ARHGAP28: variants seen among roughly 807,000 people sequenced by gnomAD.
ARHGAP28 encodes Rho GTPase activating protein 28.
ARHGAP28 carries 56 observed loss-of-function variants against 90.7 expected under a neutral mutation model. The ratio of observed to expected loss-of-function variants is 0.62; its 90% CI spans 0.50 to 0.77. The LOEUF is 0.77. Among genes scored for constraint, ARHGAP28 ranks in the 30% least tolerant of loss-of-function variants. The pLI is 0.00. For missense variants in ARHGAP28, 869 were observed against 900.9 expected (o/e 0.96, Z 0.45); for synonymous variants, 308 against 323.3 (o/e 0.95, Z 0.51).
intron 4 of ARHGAP28, among the ~76,000 whole-genome samples, chr18:6,857,429 C>T (rs924897801): frequency 3.3e-5 from 5 of 152,134 alleles, no homozygotes; most frequent in Admixed American, 6.5e-5. Context: ...GTAAACATCG[C>T]GTGTGGAGAA....
At chr18:6,742,348 T>G (rs1669830612) in intron 1 of ARHGAP28, among the ~76,000 whole-genome samples, 1 of 151,954 alleles carries the variant, frequency 6.6e-6, no homozygotes, top group African/African-American at 2.4e-5. Flanking sequence ...TTTTGTATTT[T>G]TAGTAGAGAT....
intron 10 of ARHGAP28, among the ~76,000 whole-genome samples, chr18:6,881,842 G>C (rs1283151362): frequency 6.6e-6 from 1 of 152,156 alleles, no homozygotes; most frequent in Middle Eastern, 3.2e-3. Flanking sequence ...GTGGTATTCT[G>C]CCAAAACCAC....
intron 1 of ARHGAP28, among the ~76,000 whole-genome samples, chr18:6,775,089 C>A (rs545816839): frequency 6.6e-6 from 1 of 152,302 alleles, no homozygotes; most frequent in African/African-American, 2.4e-5. Flanking sequence ...AACCTCTTTT[C>A]ATGTTTAATT....
chr18:6,740,671 T>C (rs986895698), intron 1 of ARHGAP28, among the ~76,000 whole-genome samples: 1 of 152,200 alleles, frequency 6.6e-6, no homozygotes, highest in African/African-American at 2.4e-5. Context: ...GTCTGGACTT[T>C]TCTGCTAACT....
intron 1 of ARHGAP28, among the ~76,000 whole-genome samples, chr18:6,746,717 T>C (rs529782482): frequency 6.6e-6 from 1 of 152,296 alleles, no homozygotes; most frequent in South Asian, 2.1e-4. Context: ...CAGATTCTGA[T>C]GGATATGAGT....
At chr18:6,884,133 G>A (rs1464754340) in intron 11 of ARHGAP28, among the ~76,000 whole-genome samples, 1 of 152,036 alleles carries the variant, frequency 6.6e-6, no homozygotes, top group Admixed American at 6.5e-5. Flanking sequence ...CCAGCACTTT[G>A]GGAGGCTGAG....
intron 6 of ARHGAP28, among the ~76,000 whole-genome samples, chr18:6,869,058 C>G (rs1282723271): frequency 6.6e-6 from 1 of 152,082 alleles, no homozygotes; most frequent in Non-Finnish European, 1.5e-5. Flanking sequence ...GACTTAGTTG[C>G]AATCATGCCA....
At chr18:6,909,457 C>T (rs2057384599) in intron 17 of ARHGAP28, among the ~76,000 whole-genome samples, 1 of 151,428 alleles carries the variant, frequency 6.6e-6, no homozygotes, top group Admixed American at 6.6e-5. Flanking sequence ...CACGCCCAGA[C>T]AATTTTTATA....
intron 15 of ARHGAP28, among the ~76,000 whole-genome samples, chr18:6,895,531 G>A (rs1374905129): frequency 6.6e-6 from 1 of 152,240 alleles, no homozygotes; most frequent in African/African-American, 2.4e-5. Flanking sequence ...TGTGAGAGAA[G>A]CACCTGCTTC....
chr18:6,864,827 C>T (rs2116254), intron 5 of ARHGAP28, among the ~76,000 whole-genome samples: 3 of 151,470 alleles, frequency 2.0e-5, no homozygotes, highest in Non-Finnish European at 2.9e-5. Flanking sequence ...TGGGATTATA[C>T]GTGTGCACCA....
intron 1 of ARHGAP28, among the ~76,000 whole-genome samples, chr18:6,787,520 TA>T (rs2056375059): frequency 6.6e-6 from 1 of 152,064 alleles, no homozygotes; most frequent in Non-Finnish European, 1.5e-5. Flanking sequence ...GGAAGAAACT[TA>T]AAAAAATTAG....
chr18:6,842,316 A>G (rs2056833715), intron 3 of ARHGAP28, among the ~76,000 whole-genome samples: 1 of 152,196 alleles, frequency 6.6e-6, no homozygotes, highest in Admixed American at 6.5e-5. Flanking sequence ...GCAGTGAGCC[A>G]TGACTGGGCC....
intron 3 of ARHGAP28, among the ~76,000 whole-genome samples, chr18:6,841,661 A>G (rs1292228423): frequency 6.6e-6 from 1 of 151,982 alleles, no homozygotes; most frequent in Non-Finnish European, 1.5e-5. Flanking sequence ...ATATGGGTCC[A>G]TTATCTTTTC....
intron 1 of ARHGAP28, among the ~76,000 whole-genome samples, chr18:6,781,633 C>T (rs1162852059): frequency 1.3e-5 from 2 of 152,148 alleles, no homozygotes; most frequent in Non-Finnish European, 2.9e-5. Flanking sequence ...AAGCAAGTGT[C>T]TTCCTAGATC....
chr18:6,892,332 A>G (rs978385144), intron 14 of ARHGAP28, among the ~76,000 whole-genome samples: 2 of 151,964 alleles, frequency 1.3e-5, no homozygotes, highest in Admixed American at 1.3e-4. Context: ...AAATATTTTT[A>G]GTAGAGACAG....
At chr18:6,816,072 G>A (rs1168728046) in intron 1 of ARHGAP28, among the ~76,000 whole-genome samples, 1 of 152,084 alleles carries the variant, frequency 6.6e-6, no homozygotes, top group African/African-American at 2.4e-5. Flanking sequence ...TGAAAGCTTT[G>A]TTCGCTTTCT....
At chr18:6,865,545 A>C (rs988262606) in intron 5 of ARHGAP28, among the ~76,000 whole-genome samples, 3 of 152,230 alleles carry the variant, frequency 2.0e-5, no homozygotes, top group African/African-American at 7.2e-5. Context: ...ACATGGAGTC[A>C]TATAGCACAG....
chr18:6,898,880 A>G (rs2057323123), intron 16 of ARHGAP28, among the ~76,000 whole-genome samples: 1 of 151,896 alleles, frequency 6.6e-6, no homozygotes. Context: ...TTGGGGAGTC[A>G]GGGGCAAAAG....
chr18:6,763,529 T>C (rs2056178153), intron 1 of ARHGAP28, among the ~76,000 whole-genome samples: 1 of 152,238 alleles, frequency 6.6e-6, no homozygotes, highest in African/African-American at 2.4e-5. Context: ...AGAGTTTGAC[T>C]TCCAGACTAG....
Sources: allele counts gnomAD v4.1 joint callset (sites outside exome capture counted in the v4.1 genomes callset), GRCh38; gene constraint gnomAD v4.1.1; transcripts MANE v1.5; gene names NCBI Gene and HGNC (gene_info 2026-07-23, HGNC 2026-07-21).